Variants in LRRC27 observed in about 807,000 individuals in gnomAD.
LRRC27 encodes the protein leucine-rich repeat-containing protein 27.
Under a neutral mutation model 55.0 loss-of-function variants are expected in LRRC27, and 57 were observed. The ratio of observed to expected loss-of-function variants is 1.04; its 90% CI spans 0.84 to 1.29. The LOEUF (loss-of-function observed/expected upper bound fraction) is 1.29. LRRC27 is among the 50% of genes most tolerant of loss of function. LRRC27 has a pLI of 0.00. For synonymous variants in LRRC27, 278 were observed against 251.9 expected (o/e 1.10, Z -0.98); for missense variants, 721 against 651.5 (o/e 1.11, Z -1.16).
intron 9 of LRRC27, among the ~76,000 whole-genome samples, chr10:132,364,315 C>G (rs375287513): frequency 1.0e-5 from 1 of 100,222 alleles, no homozygotes; most frequent in African/African-American, 3.2e-5. Flanking sequence ...GCACCAACAC[C>G]CACACCACAC....
Position 132,348,516 on chromosome 10 carries a change from G to T in LRRC27, c.926+160G>T, listed in dbSNP as rs1287887654. On this transcript the variant is annotated intron_variant, in intron 6 of 10. Coordinates refer to ENST00000368614, the MANE Select transcript of LRRC27 (RefSeq NM_030626.3). This position sits in a 1 kb window ranked among gnomAD's most constrained non-coding sequence, Gnocchi z 4.2. ...CCGGTCCCAGGTTTAGGGTAACGGG[G>T]ACCCGCATCAAGCCCGGAGCATCTG... 6.6e-6 allele frequency among the ~76,000 whole-genome samples: 1 copy of T among 152,178 alleles called. No homozygotes were observed. Among genetic ancestry groups the T allele is most frequent in the Admixed American group, 6.5e-5 (1 of 15,280 alleles).
intron 10 of LRRC27, among the ~76,000 whole-genome samples, chr10:132,373,710 T>C (rs1351113496): frequency 6.6e-6 from 1 of 151,952 alleles, no homozygotes; most frequent in Non-Finnish European, 1.5e-5. Flanking sequence ...AAGGTAAGAG[T>C]TCCAGAAGAA....
intron 3 of LRRC27, among the ~76,000 whole-genome samples, chr10:132,339,224 C>T (rs1468210770): frequency 1.3e-5 from 2 of 152,188 alleles, no homozygotes; most frequent in Admixed American, 6.5e-5. Flanking sequence ...TGGTGTCTCC[C>T]AAGAGCCATG....
At chr10:132,337,378 C>CT in intron 2 of LRRC27, 187 bp from the exon 3 acceptor site, 1 of 1,383,666 alleles carries the variant, frequency 7.2e-7, no homozygotes, top group Non-Finnish European at 9.3e-7. Context: ...AGTCCTGGTT[C>CT]TTTTCTTTCT....
At chr10:132,370,277 C>T in intron 10 of LRRC27, among the ~76,000 whole-genome samples, 1 of 152,224 alleles carries the variant, frequency 6.6e-6, no homozygotes, top group East Asian at 1.9e-4. Context: ...GCACCGGCTC[C>T]TGTCGTGTGC....
upstream of LRRC27, chr10:132,332,103 G>C (rs374354348): frequency 4.5e-6 from 1 of 222,972 alleles, no homozygotes; most frequent in Non-Finnish European, 8.8e-6. Flanking sequence ...CCTCGCGCAG[G>C]CGCATCACAG....
Position 132,342,260 on chromosome 10 carries a change from C to A in LRRC27, c.389C>A (p.Pro130His), listed in dbSNP as rs552504940. 6.5e-7 allele frequency: 1 copy of A among 1,546,036 alleles called. No homozygotes were observed. Among genetic ancestry groups the A allele is most frequent in the Non-Finnish European group, 8.8e-7 (1 of 1,141,486 alleles). The stretch of plus-strand genomic sequence containing the variant: ...GAAAGAAATCCTATCAAAATGTTAC[C>A]TGTGGAGCTGGGTAAGTATAAAATA... ...LLERNPIKML[P>H]VELGSVTTLK... is the part of the protein sequence containing the mutation. The change falls in exon 4 of 11, where the codon CCT becomes CAT. Residue 130 changes from proline to histidine, a missense_variant. Coordinates refer to ENST00000368614, the MANE Select transcript of LRRC27 (RefSeq NM_030626.3).
chr10:132,377,035 T>G lies in LRRC27; in HGVS notation c.*1793T>G, dbSNP rs2069346721. On this transcript the variant is annotated 3_prime_UTR_variant, in exon 11 of 11. Coordinates refer to ENST00000368614, the MANE Select transcript of LRRC27 (RefSeq NM_030626.3). The stretch of plus-strand genomic sequence containing the variant: ...ATTATGAACTATTTCTCTTCGCCTC[T>G]CCTTTTCACTTCTTGCCTTCTGTGG... 6.6e-6 allele frequency: 1 copy of G among 152,266 alleles called. No individual in the cohort carries two copies. The highest frequency in any genetic ancestry group is 6.5e-5 in the Admixed American group (1 of 15,290). 9.4% of individuals were successfully genotyped at this position (152,266 alleles called of 1,614,324 possible).
chr10:132,364,644 C>CCACACTTAA (rs2068926727), intron 9 of LRRC27, among the ~76,000 whole-genome samples: 1 of 80,930 alleles, frequency 1.2e-5, no homozygotes, highest in Admixed American at 1.4e-4. Flanking sequence ...CACTTAACAC[C>CCACACTTAA]CACCCACACT....
intron 6 of LRRC27, among the ~76,000 whole-genome samples, chr10:132,349,995 G>T (rs926803666): frequency 2.6e-5 from 4 of 152,168 alleles, no homozygotes; most frequent in African/African-American, 9.7e-5. Context: ...TATGGCCCTG[G>T]TCTGCGCTCA....
At chr10:132,338,041 C>T (rs533678960) in intron 3 of LRRC27, among the ~76,000 whole-genome samples, 1 of 152,292 alleles carries the variant, frequency 6.6e-6, no homozygotes, top group African/African-American at 2.4e-5. Context: ...TTTGGCCAGG[C>T]GCGGTGGCTC....
intron 7 of LRRC27, among the ~76,000 whole-genome samples, chr10:132,354,718 C>T (rs1035683684): frequency 5.3e-5 from 8 of 152,170 alleles, no homozygotes; most frequent in African/African-American, 1.9e-4. Context: ...CCGCTGTGAC[C>T]GCAAGGAAGG....
At chr10:132,353,236 G>C in intron 7 of LRRC27, 1 of 1,302,440 alleles carries the variant, frequency 7.7e-7, no homozygotes, top group Non-Finnish European at 9.8e-7. Context: ...CCTGGAGCTG[G>C]CCGAGTCCAG....
At chr10:132,364,714 T>A (rs551358323) in intron 9 of LRRC27, among the ~76,000 whole-genome samples, 193 of 3,794 alleles carry the variant, frequency 0.051, 22 homozygotes, top group Non-Finnish European at 0.054. Context: ...CCCACACTCA[T>A]GCAGTCCGCG....
intron 2 of LRRC27, among the ~76,000 whole-genome samples, chr10:132,336,268 G>A (rs912645843): frequency 5.9e-5 from 9 of 152,202 alleles, no homozygotes; most frequent in African/African-American, 1.7e-4. Flanking sequence ...GCAGAGGCCC[G>A]AGAAAGGCAG....
upstream of LRRC27, chr10:132,331,627 C>G (rs757898090): frequency 5.0e-6 from 8 of 1,612,778 alleles, no homozygotes; most frequent in Admixed American, 8.3e-5. Flanking sequence ...GGACAGGCAG[C>G]GAGGACCGCT....
intron 6 of LRRC27, chr10:132,350,863 T>G (rs1449600551): frequency 6.6e-6 from 1 of 152,196 alleles, no homozygotes; most frequent in Non-Finnish European, 1.5e-5. Context: ...CCTGGCTGGC[T>G]CTCAGTCCTG....
chr10:132,376,025 A>G lies in LRRC27; in HGVS notation c.*783A>G, dbSNP rs530655314. The G allele has an allele frequency of 1.3e-5, 2 of 152,330 alleles. No homozygotes were observed. Among genetic ancestry groups the G allele is most frequent in the East Asian group, 1.9e-4 (1 of 5,186 alleles). The allele number at this position is 152,330 out of a possible 1,614,324, so 9.4% of individuals were successfully genotyped here. On this transcript the variant is annotated 3_prime_UTR_variant, in exon 11 of 11. Coordinates refer to ENST00000368614, the MANE Select transcript of LRRC27 (RefSeq NM_030626.3). ...TGATTTCTTTAACAGAGGTGAGACT[A>G]TTCAGACTTTGTTTATTTTTGTGTT...
intron 6 of LRRC27, among the ~76,000 whole-genome samples, chr10:132,350,050 C>T (rs1217499106): frequency 1.3e-5 from 2 of 152,170 alleles, no homozygotes; most frequent in Non-Finnish European, 1.5e-5. Context: ...GAAGCTGGTG[C>T]TCCTCTGTGT....
Sources: gnomAD v4.1 joint callset for allele counts (sites outside exome capture counted in the v4.1 genomes callset) on GRCh38, gnomAD v4.1.1 for gene constraint, Gnocchi (gnomAD v3.1) non-coding constraint, MANE v1.5 for transcripts, NCBI Gene and HGNC (gene_info 2026-07-23, HGNC 2026-07-21) for gene names.